The following ITPR1 variants were observed in gnomAD, a reference collection of about 807,000 sequenced individuals.
The protein encoded by ITPR1 is inositol 1,4,5-trisphosphate receptor type 1.
In ITPR1, 96 loss-of-function variants were observed where a neutral mutation model predicts 318.4. The ratio of observed to expected loss-of-function variants is 0.30; its 90% CI spans 0.26 to 0.36. ITPR1 has a LOEUF of 0.36. Ranked by LOEUF, ITPR1 falls within the 10% of genes least tolerant of loss-of-function variation. The probability of loss-of-function intolerance (pLI) is 1.00; values close to 1 mark genes in which losing one functional copy is unlikely to be tolerated. For synonymous variants in ITPR1, 1,312 were observed against 1,289.9 expected (o/e 1.02, Z -0.37); for missense variants, 2,440 against 3,460.2 (o/e 0.71, Z 7.40).
chr3:4,756,858 A>G (rs988519135), intron 44 of ITPR1, among the ~76,000 whole-genome samples: 2 of 152,120 alleles, frequency 1.3e-5, no homozygotes, highest in Non-Finnish European at 2.9e-5. Context: ...TTCTGGATCC[A>G]CCTATCTTAC....
chr3:4,662,298 A>G, intron 15 of ITPR1, 56 bp downstream of exon 15: 2 of 1,397,726 alleles, frequency 1.4e-6, no homozygotes, highest in East Asian at 2.5e-5. Context: ...AGTTTCTGAC[A>G]TCCATGGGGT....
At chr3:4,535,556 C>T (rs2083792523) in intron 4 of ITPR1, among the ~76,000 whole-genome samples, 1 of 148,024 alleles carries the variant, frequency 6.8e-6, no homozygotes, top group Non-Finnish European at 1.5e-5. Context: ...CATTCTCCTG[C>T]CTCAGCCTCC....
At chr3:4,608,970 C>T (rs2091889084) in intron 4 of ITPR1, among the ~76,000 whole-genome samples, 1 of 135,968 alleles carries the variant, frequency 7.4e-6, no homozygotes, top group Non-Finnish European at 1.6e-5. Context: ...CACTGCACTC[C>T]AGCCTGGATA....
chr3:4,718,224 A>T (rs767791454), intron 40 of ITPR1, among the ~76,000 whole-genome samples: 1 of 152,246 alleles, frequency 6.6e-6, no homozygotes. Flanking sequence ...TGAGGAATTC[A>T]TGTACATAAT....
intron 2 of ITPR1, among the ~76,000 whole-genome samples, chr3:4,501,756 G>A (rs976674479): frequency 2.3e-4 from 35 of 152,170 alleles, no homozygotes; most frequent in African/African-American, 8.0e-4. Flanking sequence ...TTACATTTGG[G>A]GGAGCTTTTA....
chr3:4,744,818 C>G (rs1323622582), intron 44 of ITPR1, among the ~76,000 whole-genome samples: 1 of 152,212 alleles, frequency 6.6e-6, no homozygotes, highest in African/African-American at 2.4e-5. Flanking sequence ...ATGTTGGCCA[C>G]TTACTCAGCT....
chr3:4,672,931 C>A (rs887581821), intron 20 of ITPR1, among the ~76,000 whole-genome samples: 4 of 152,208 alleles, frequency 2.6e-5, no homozygotes, highest in African/African-American at 9.6e-5. Flanking sequence ...TCAACCCACA[C>A]TCTACTGCAC....
intron 43 of ITPR1, among the ~76,000 whole-genome samples, chr3:4,733,948 G>A (rs962729773): frequency 1.3e-5 from 2 of 152,260 alleles, no homozygotes; most frequent in Non-Finnish European, 2.9e-5. Context: ...GCACAGATGT[G>A]AGTTGCCTGA....
chr3:4,504,191 CT>C (rs946073035), intron 2 of ITPR1, among the ~76,000 whole-genome samples: 1 of 152,092 alleles, frequency 6.6e-6, no homozygotes, highest in Non-Finnish European at 1.5e-5. Context: ...GTGCGGGCAT[CT>C]TTTTTTGAGA....
chr3:4,737,450 T>C (rs1361602585), intron 44 of ITPR1, among the ~76,000 whole-genome samples: 1 of 152,136 alleles, frequency 6.6e-6, no homozygotes, highest in Non-Finnish European at 1.5e-5. Flanking sequence ...AAGGAATCTT[T>C]GTCATATTCC....
intron 42 of ITPR1, among the ~76,000 whole-genome samples, chr3:4,730,169 A>G (rs997585204): frequency 1.3e-5 from 2 of 149,786 alleles, no homozygotes; most frequent in African/African-American, 2.5e-5. Context: ...CCTCTTACCT[A>G]TAATTCTCAG....
chr3:4,556,642 A>G (rs893330711), intron 4 of ITPR1, among the ~76,000 whole-genome samples: 2 of 151,988 alleles, frequency 1.3e-5, no homozygotes, highest in African/African-American at 4.8e-5. Context: ...ATGGCTCTAT[A>G]GCCCGTTTCT....
chr3:4,828,138 A>T (rs1417501163), intron 60 of ITPR1, among the ~76,000 whole-genome samples: 1 of 152,116 alleles, frequency 6.6e-6, no homozygotes, highest in Non-Finnish European at 1.5e-5. Context: ...TTTCAAAGAT[A>T]AATGTATCTT....
chr3:4,577,266 T>C (rs1395537425), intron 4 of ITPR1, among the ~76,000 whole-genome samples: 2 of 152,164 alleles, frequency 1.3e-5, no homozygotes, highest in Non-Finnish European at 2.9e-5. Context: ...TGGCCCTGAG[T>C]TCTTTCATTG....
At chr3:4,606,610 A>G (rs1187492704) in intron 4 of ITPR1, among the ~76,000 whole-genome samples, 1 of 152,112 alleles carries the variant, frequency 6.6e-6, no homozygotes. Flanking sequence ...CACATGTTGC[A>G]AGGGAAAAGG....
intron 5 of ITPR1, among the ~76,000 whole-genome samples, chr3:4,638,788 T>G (rs757652392): frequency 1.2e-4 from 18 of 152,166 alleles, no homozygotes; most frequent in Non-Finnish European, 5.9e-5. Context: ...ACGGAATGAT[T>G]ATAAAATTGA....
intron 2 of ITPR1, among the ~76,000 whole-genome samples, chr3:4,504,939 C>A (rs1041870078): frequency 8.6e-5 from 13 of 151,792 alleles, no homozygotes; most frequent in African/African-American, 3.1e-4. Flanking sequence ...ATGCCAGCAC[C>A]TCTTCCTTTT....
Position 4,663,077 on chromosome 3 carries a change from G to T in ITPR1, c.1425G>T (p.Lys475Asn). 1 of 1,613,656 alleles carries T rather than the reference G, an allele frequency of 6.2e-7. No individual in the cohort carries two copies. Among genetic ancestry groups the T allele is most frequent in the Non-Finnish European group, 8.5e-7 (1 of 1,179,682 alleles). Residue 475 changes from lysine (K) to asparagine (N), a missense_variant, in exon 16 of 62, where the codon AAG (lysine) becomes AAT (asparagine). Around this residue, in one of 23 missense-constraint regions of ITPR1, gnomAD observed 478 missense variants for 696.3 expected, o/e 0.69. Transcript: ENST00000649015. ...ITQNERRSVT[K>N]LLEDLVYFVT... The stretch of plus-strand genomic sequence containing the variant: ...CTTTCCTCCTAAGGTCTGTAACCAA[G>T]CTGCTAGAAGATTTGGTTTACTTCG...
intron 38 of ITPR1, among the ~76,000 whole-genome samples, chr3:4,711,081 G>A (rs533989968): frequency 1.5e-3 from 226 of 151,852 alleles, no homozygotes; most frequent in African/African-American, 5.2e-3. Flanking sequence ...GCATGGTGGC[G>A]GGCTCCTGTA....
Sources: allele counts gnomAD v4.1 joint callset (sites outside exome capture counted in the v4.1 genomes callset), GRCh38; gene constraint gnomAD v4.1.1; regional missense constraint gnomAD v4.1.1; transcripts MANE v1.5; gene names NCBI Gene and HGNC (gene_info 2026-07-23, HGNC 2026-07-21).